The following SLC38A6 variants were observed in gnomAD, a reference collection of about 807,000 sequenced individuals.
The protein encoded by SLC38A6 is solute carrier family 38 member 6, also known as N system amino acid transporter NAT-1.
SLC38A6 carries 73 observed loss-of-function variants against 65.0 expected under a neutral mutation model. The observed-to-expected ratio is 1.12, with a 90% CI of 0.93 to 1.37. The LOEUF is 1.37. Ranked by LOEUF, SLC38A6 falls within the 40% of genes most tolerant of loss-of-function variation. The pLI is 0.00. For missense variants in SLC38A6, 561 were observed against 531.1 expected (o/e 1.06, Z -0.55); for synonymous variants, 183 against 178.8 (o/e 1.02, Z -0.19).
In SLC38A6 at chr14:61,052,337, T is replaced by C; in HGVS notation, c.1291-12T>C. 1 of 1,567,642 alleles carries C rather than the reference T, an allele frequency of 6.4e-7. No individual in the cohort carries two copies. The highest frequency in any genetic ancestry group is 8.6e-7 in the Non-Finnish European group (1 of 1,159,642). On this transcript the variant is annotated splice_polypyrimidine_tract_variant and intron_variant, in intron 15 of 15. Transcript: ENST00000267488. ...TCTTTCTTATCTTTTATCTTTTTTC[T>C]TATTTCCACAGGCATTCGTTTTGCT...
chr14:61,081,546 G>C (rs113862663), intron 16 of SLC38A6, among the ~76,000 whole-genome samples: 16 of 152,004 alleles, frequency 1.1e-4, no homozygotes, highest in Non-Finnish European at 2.2e-4. Context: ...TTAGCTAGGC[G>C]TAGTAGTGTG....
rs1489657450 is a variant in SLC38A6 at position 61,052,149 on chromosome 14, G to T, written c.1290+14G>T. On this transcript the variant is annotated intron_variant, in intron 15 of 15. Coordinates refer to ENST00000267488, the MANE Select transcript of SLC38A6 (RefSeq NM_153811.3). ...AAAAAGCTTGGGGTAGGTTGTTTTT[G>T]TTTCTTTCTTTCAAGACTTCTATTT... is the stretch of plus-strand genomic sequence containing the variant. 1 of 1,530,466 alleles carries T rather than the reference G, an allele frequency of 6.5e-7. No individual in the cohort carries two copies. Among genetic ancestry groups the T allele is most frequent in the Non-Finnish European group, 8.7e-7 (1 of 1,145,966 alleles). The allele number at this position is 1,530,466 out of a possible 1,614,324, so 94.8% of individuals were successfully genotyped here.
At chr14:61,030,167 G>C (rs559443338) in intron 5 of SLC38A6, among the ~76,000 whole-genome samples, 10 of 152,132 alleles carry the variant, frequency 6.6e-5, no homozygotes, top group African/African-American at 2.4e-4. Flanking sequence ...CTGTAATCAA[G>C]ACTGTTTCTC....
rs867767038 is a variant in SLC38A6 at position 61,012,298 on chromosome 14, C to T, written c.311-3606C>T. On this transcript the variant is annotated intron_variant, in intron 3 of 15. Coordinates refer to ENST00000267488, the MANE Select transcript of SLC38A6 (RefSeq NM_153811.3). ...TTTTCTTCTGTATTAGTCTTGCTAG[C>T]GGTCTATCAATTTTGTTGATCTGTT... Among the ~76,000 whole-genome samples, 10 of 151,916 alleles carry T rather than the reference C, an allele frequency of 6.6e-5. No homozygotes were observed. The South Asian group carries it at 8.3e-4, about 13-fold the overall frequency.
At chr14:61,037,601 T>C in intron 7 of SLC38A6, 24 bp from the exon 8 acceptor site, 1 of 1,536,054 alleles carries the variant, frequency 6.5e-7, no homozygotes, top group Non-Finnish European at 8.9e-7. Flanking sequence ...ATAAATTGCT[T>C]TTTATTTTAC....
intron 16 of SLC38A6, among the ~76,000 whole-genome samples, chr14:61,081,345 T>C (rs2043639158): frequency 1.0e-5 from 1 of 98,192 alleles, no homozygotes; most frequent in African/African-American, 3.1e-5. Flanking sequence ...TGAACTGTCC[T>C]TTTGCTCATC....
chr14:61,079,983 T>G (rs915195511), intron 16 of SLC38A6, among the ~76,000 whole-genome samples: 3 of 152,198 alleles, frequency 2.0e-5, no homozygotes, highest in African/African-American at 7.2e-5. Context: ...CACCTCTTTC[T>G]TATCCTCACT....
At chr14:61,027,883 C>G (rs2040697368) in intron 5 of SLC38A6, among the ~76,000 whole-genome samples, 1 of 151,696 alleles carries the variant, frequency 6.6e-6, no homozygotes, top group South Asian at 2.1e-4. Context: ...GTTGTATACT[C>G]TTAAAATATA....
At chr14:61,013,548 C>CT (rs1430812177) in intron 3 of SLC38A6, among the ~76,000 whole-genome samples, 3 of 152,190 alleles carry the variant, frequency 2.0e-5, no homozygotes, top group African/African-American at 7.2e-5. Flanking sequence ...ATGTTTAGTG[C>CT]TTCCTTCAGG....
At position 61,037,677 on chromosome 14, in the gene SLC38A6, T is replaced by C; in HGVS notation, c.618T>C (p.Ala206=). The C allele has an allele frequency of 6.3e-7, 1 of 1,586,784 alleles. No homozygotes were observed. The highest frequency in any genetic ancestry group is 8.6e-7 in the Non-Finnish European group (1 of 1,161,152). Reference sequence around the variant, plus strand: ...CATTTTTCTTTATGATGTTCTTTGCTCTTGTGGTAAGTTTAAAATATAATA... The same window carrying C: ...CATTTTTCTTTATGATGTTCTTTGCCCTTGTGGTAAGTTTAAAATATAATA... ...SLSFFFMMFF[A]LVVIIKKWSI... Residue 206 remains alanine, a synonymous_variant, in exon 8 of 16, where the codon GCT becomes GCC. Transcript: ENST00000267488.
intron 5 of SLC38A6, among the ~76,000 whole-genome samples, chr14:61,025,707 A>C (rs1330617185): frequency 1.3e-5 from 2 of 152,078 alleles, no homozygotes; most frequent in Non-Finnish European, 2.9e-5. Flanking sequence ...AAAGATATAC[A>C]TTTTTTTCTA....
chr14:60,981,586 TAG>T, intron 1 of SLC38A6: 2 of 1,513,346 alleles, frequency 1.3e-6, no homozygotes, highest in South Asian at 2.4e-5. Flanking sequence ...TAGCATACTC[TAG>T]AAAGAAAAGA....
intron 3 of SLC38A6, among the ~76,000 whole-genome samples, chr14:61,005,079 A>G (rs2038993177): frequency 6.6e-6 from 1 of 152,192 alleles, no homozygotes; most frequent in Non-Finnish European, 1.5e-5. Flanking sequence ...AGAACCAAAG[A>G]CAAAAACCAC....
rs2040676901 is a variant in SLC38A6, at chr14:61,027,581, G to A, written c.404-2864G>A. ...TTAGTTAAAAACAAAGGCAATATGA[G>A]CATTCCTATCAATAGTATATCTTTA... On this transcript the variant is annotated intron_variant, in intron 5 of 15. Transcript: ENST00000267488. 2.0e-5 allele frequency among the ~76,000 whole-genome samples: 3 copies of A among 151,998 alleles called. No individual in the cohort carries two copies. In the South Asian group the frequency reaches 6.2e-4, roughly 32 times the overall value.
In SLC38A6 at chr14:61,019,610, A is replaced by C. The variant is rs758467837; in HGVS notation, c.403+30A>C. The C allele has an allele frequency of 5.0e-6, 8 of 1,603,686 alleles. No individual in the cohort carries two copies. In the African/African-American group the frequency reaches 6.7e-5, roughly 13 times the overall value. ...GCAATTGCAAGTGCACTGTTTATAC[A>C]TAAATGTGATGGCAATAATGTCCTT... On this transcript the variant is annotated intron_variant, in intron 5 of 15. Coordinates refer to ENST00000267488, the MANE Select transcript of SLC38A6 (RefSeq NM_153811.3).
chr14:61,002,639 G>A (rs1181159865), intron 3 of SLC38A6, among the ~76,000 whole-genome samples: 1 of 152,164 alleles, frequency 6.6e-6, no homozygotes, highest in Non-Finnish European at 1.5e-5. Flanking sequence ...TTCCTGTGGA[G>A]GCCAAACTCT....
At chr14:61,012,911 A>G (rs1167011980) in intron 3 of SLC38A6, among the ~76,000 whole-genome samples, 2 of 152,178 alleles carry the variant, frequency 1.3e-5, no homozygotes, top group Admixed American at 6.5e-5. Flanking sequence ...CACTTGGTGC[A>G]GAGCTGAGTT....
intron 13 of SLC38A6, among the ~76,000 whole-genome samples, chr14:61,051,299 T>G (rs1249342648): frequency 1.3e-5 from 2 of 152,184 alleles, no homozygotes; most frequent in African/African-American, 2.4e-5. Context: ...TGGATAAATT[T>G]TTTGGCATGT....
chr14:61,083,079 C>G (rs955104525), intron 16 of SLC38A6, among the ~76,000 whole-genome samples: 2 of 152,214 alleles, frequency 1.3e-5, no homozygotes, highest in African/African-American at 4.8e-5. Context: ...TTGAGCTTGG[C>G]CCTCTACCAT....
Sources: gnomAD v4.1 joint callset for allele counts (sites outside exome capture counted in the v4.1 genomes callset) on GRCh38, gnomAD v4.1.1 for gene constraint, MANE v1.5 for transcripts, NCBI Gene and HGNC (gene_info 2026-07-23, HGNC 2026-07-21) for gene names.